PKIB: variants seen among roughly 807,000 people sequenced by gnomAD.
PKIB encodes the protein cAMP-dependent protein kinase inhibitor beta.
PKIB carries 2 observed loss-of-function variants against 4.5 expected under a neutral mutation model. That is an observed-to-expected ratio of 0.44 (90% CI 0.18 to 1.39). The LOEUF (loss-of-function observed/expected upper bound fraction) is 1.39, where lower values mean the gene tolerates loss of function less well. Among genes scored for constraint, PKIB ranks in the 40% most tolerant of loss-of-function variants. The pLI, the probability that PKIB is intolerant of heterozygous loss-of-function variation, is 0.27. For missense variants in PKIB, 94 were observed against 92.6 expected (o/e 1.02, Z -0.06); for synonymous variants, 38 against 36.0 (o/e 1.06, Z -0.20).
At chr6:122,523,646 G>A (rs1024874913) in intron 2 of PKIB, among the ~76,000 whole-genome samples, 1 of 152,082 alleles carries the variant, frequency 6.6e-6, no homozygotes, top group Non-Finnish European at 1.5e-5. Context: ...AGTGGGGCAT[G>A]GTGGTGGGTG....
intron 2 of PKIB, among the ~76,000 whole-genome samples, chr6:122,583,488 A>G (rs1295140658): frequency 6.6e-6 from 1 of 152,062 alleles, no homozygotes; most frequent in Non-Finnish European, 1.5e-5. Flanking sequence ...GACTTTCTGA[A>G]ATACCTCTTT....
intron 3 of PKIB, among the ~76,000 whole-genome samples, chr6:122,604,428 T>A (rs925859973): frequency 6.6e-6 from 1 of 152,122 alleles, no homozygotes; most frequent in Non-Finnish European, 1.5e-5. Flanking sequence ...AGAAATTAAG[T>A]GACACTGCTT....
intron 2 of PKIB, among the ~76,000 whole-genome samples, chr6:122,542,687 C>T (rs1368147046): frequency 1.3e-5 from 2 of 152,116 alleles, no homozygotes; most frequent in Admixed American, 1.3e-4. Flanking sequence ...AGGAGGCAGT[C>T]TGCCTTTTCT....
At chr6:122,631,407 T>G (rs1053592288) in intron 1 of PKIB, among the ~76,000 whole-genome samples, 1 of 152,196 alleles carries the variant, frequency 6.6e-6, no homozygotes, top group South Asian at 2.1e-4. Flanking sequence ...CTCTTTTTTT[T>G]GGGAAGCCAA....
intron 2 of PKIB, among the ~76,000 whole-genome samples, chr6:122,673,718 C>T (rs1025174559): frequency 2.0e-5 from 3 of 152,176 alleles, no homozygotes; most frequent in African/African-American, 7.2e-5. Context: ...GTATTTATTG[C>T]ACTCCTCCTA....
chr6:122,649,621 A>T (rs1776470306), intron 2 of PKIB, among the ~76,000 whole-genome samples: 1 of 152,132 alleles, frequency 6.6e-6, no homozygotes, highest in Admixed American at 6.5e-5. Flanking sequence ...TCCATTTGAT[A>T]TTGGGGTGTG....
chr6:122,574,608 ATACT>A (rs1179070281), intron 2 of PKIB, among the ~76,000 whole-genome samples: 6 of 152,194 alleles, frequency 3.9e-5, no homozygotes, highest in African/African-American at 1.4e-4. Flanking sequence ...GTAAAGCCAA[ATACT>A]TACAGCTAAC....
At chr6:122,626,438 G>A (rs1226183403) in intron 1 of PKIB, among the ~76,000 whole-genome samples, 2 of 152,118 alleles carry the variant, frequency 1.3e-5, no homozygotes, top group Non-Finnish European at 2.9e-5. Context: ...CACGCTCTGG[G>A]GAAGACTATC....
intron 3 of PKIB, among the ~76,000 whole-genome samples, chr6:122,589,059 C>T (rs1230536126): frequency 6.6e-6 from 1 of 152,050 alleles, no homozygotes; most frequent in South Asian, 2.1e-4. Flanking sequence ...CTTCCTAGCA[C>T]AGGAATATCT....
chr6:122,617,683 G>A (rs954906240), intron 1 of PKIB, among the ~76,000 whole-genome samples: 2 of 151,928 alleles, frequency 1.3e-5, no homozygotes, highest in Non-Finnish European at 2.9e-5. Context: ...TTTTCTTTTT[G>A]TAGGTTTTTG....
At position 122,577,704 on chromosome 6, in the gene PKIB, T is replaced by C. The variant is rs181948571; in HGVS notation, c.-247-8217T>C. ...GCGGGCAGATCACGAGATCAGGAGATCGAGACCATCCTGGCTAACACAGTG... is the reference window on the plus strand; with the variant it reads ...GCGGGCAGATCACGAGATCAGGAGACCGAGACCATCCTGGCTAACACAGTG... On this transcript the variant is annotated intron_variant, in intron 2 of 6. Transcript: ENST00000392491. Among the ~76,000 whole-genome samples, 1,262 of 151,820 alleles carry C rather than the reference T, an allele frequency of 8.3e-3. 18 individuals carry two copies. Among genetic ancestry groups the C allele is most frequent in the African/African-American group, 0.028 (1,169 of 41,400 alleles).
Position 122,649,484 on chromosome 6 carries a change from C to T in PKIB, c.-76+16117C>T, listed in dbSNP as rs113301510. Among the ~76,000 whole-genome samples, 584 of 152,252 alleles carry T rather than the reference C, an allele frequency of 3.8e-3. 2 individuals carry two copies. Among genetic ancestry groups the T allele is most frequent in the African/African-American group, 0.013 (543 of 41,544 alleles). ...CTCAGTCAATTGGTTGCTGGGAACT[C>T]CCCAGGAGACCCTAGGTACTGACTG... On this transcript the variant is annotated intron_variant, in intron 2 of 4. Transcript: ENST00000368452.
Position 122,512,744 on chromosome 6 carries a change from C to A in PKIB, c.-248+34805C>A, listed in dbSNP as rs117043982. Among the ~76,000 whole-genome samples, 720 of 152,264 alleles carry A rather than the reference C, an allele frequency of 4.7e-3. 7 individuals carry two copies. The highest frequency in any genetic ancestry group is 6.8e-3 in the Middle Eastern group (2 of 294). On this transcript the variant is annotated intron_variant, in intron 2 of 6. Transcript: ENST00000392491. ...CTTATAGTAGAAAAATATTCCTTGA[C>A]ATTTAAAATTAGAAAATGAAAGACC... is the stretch of plus-strand genomic sequence containing the variant.
chr6:122,491,513 C>T lies in PKIB; in HGVS notation c.-248+13574C>T, dbSNP rs184958612. On this transcript the variant is annotated intron_variant, in intron 2 of 6. Coordinates refer to the PKIB transcript ENST00000392491. Reference sequence around the variant, plus strand: ...GAGCCCTCTCCTCCCCCGCTCATGCCTGGCTAGCTACCTACTGTAAAAATT... The same window carrying T: ...GAGCCCTCTCCTCCCCCGCTCATGCTTGGCTAGCTACCTACTGTAAAAATT... Among the ~76,000 whole-genome samples the T allele has an allele frequency of 2.2e-3, 341 of 152,260 alleles. 1 individual carries two copies. The highest frequency in any genetic ancestry group is 3.5e-3 in the Non-Finnish European group (240 of 68,030).
chr6:122,721,422 C>T (rs1224532990), intron 4 of PKIB, among the ~76,000 whole-genome samples: 2 of 152,152 alleles, frequency 1.3e-5, no homozygotes, highest in African/African-American at 4.8e-5. Flanking sequence ...CGGAATGTTT[C>T]CTTTTTAGAC....
At chr6:122,504,919 G>C (rs1776351140) in intron 2 of PKIB, among the ~76,000 whole-genome samples, 2 of 152,132 alleles carry the variant, frequency 1.3e-5, no homozygotes, top group South Asian at 4.2e-4. Flanking sequence ...GAAGAGACAG[G>C]TTAAGAGTTC....
At chr6:122,521,062 GAGA>G (rs1776928205) in intron 2 of PKIB, among the ~76,000 whole-genome samples, 1 of 152,162 alleles carries the variant, frequency 6.6e-6, no homozygotes, top group African/African-American at 2.4e-5. Flanking sequence ...CATTTTCGTG[GAGA>G]AGAATTGGGC....
intron 2 of PKIB, among the ~76,000 whole-genome samples, chr6:122,666,648 A>G (rs1777230148): frequency 1.3e-5 from 2 of 152,318 alleles, no homozygotes; most frequent in Admixed American, 1.3e-4. Flanking sequence ...TACTGATCTT[A>G]TCAAGGTAGG....
intron 2 of PKIB, among the ~76,000 whole-genome samples, chr6:122,637,861 A>T (rs1775986440): frequency 6.6e-6 from 1 of 152,160 alleles, no homozygotes; most frequent in African/African-American, 2.4e-5. Flanking sequence ...TAAAAAGATC[A>T]ATTAAATTTG....
Sources: allele counts gnomAD v4.1 joint callset (sites outside exome capture counted in the v4.1 genomes callset), GRCh38; gene constraint gnomAD v4.1.1; transcripts MANE v1.5; gene names NCBI Gene and HGNC (gene_info 2026-07-23, HGNC 2026-07-21).